SMIM33: variants seen among roughly 807,000 people sequenced by gnomAD.
The protein encoded by SMIM33 is small integral membrane protein 33.
At chr5:139,472,507 TC>T in intron 1 of SMIM33, 24 bp from the exon 2 acceptor site, 1 of 370,048 alleles carries the variant, frequency 2.7e-6, no homozygotes, top group Non-Finnish European at 4.8e-6. Flanking sequence ...CATGTCACCC[TC>T]TCTCTCTGCC....
At position 139,471,128 on chromosome 5, in the gene SMIM33, C is replaced by T. The variant is rs965852152; in HGVS notation, c.7C>T (p.Gln3Ter). 1 of 398,756 alleles carries T rather than the reference C, an allele frequency of 2.5e-6. No individual in the cohort carries two copies. Among genetic ancestry groups the T allele is most frequent in the Non-Finnish European group, 4.4e-6 (1 of 226,162 alleles). The allele number at this position is 398,756 out of a possible 1,614,324, so 24.7% of individuals were successfully genotyped here. The change falls in exon 1 of 2, where the codon CAG (glutamine) becomes TAG (stop). Residue 3 changes from glutamine (Q) to a stop codon, truncating the protein, a stop_gained and splice_region_variant. Transcript: ENST00000637503. LOFTEE classifies it low-confidence loss of function (END_TRUNC). The part of the protein sequence containing the change: MH[Q>*]AGHYSWPSPA... Reference sequence around the variant, plus strand: ...CCCTGTGTCGGCCCGGACAATGCACCAGGTAGACTCTGCTCACCCCTTCCT... The same window carrying T: ...CCCTGTGTCGGCCCGGACAATGCACTAGGTAGACTCTGCTCACCCCTTCCT...
At chr5:139,471,720 G>C (rs1025556363) in intron 1 of SMIM33, among the ~76,000 whole-genome samples, 1 of 152,092 alleles carries the variant, frequency 6.6e-6, no homozygotes, top group Non-Finnish European at 1.5e-5. Context: ...AATCCATCCT[G>C]GGCAGAGCCA....
In SMIM33 at chr5:139,472,918, GT is replaced by G. The variant is rs1751559933; in HGVS notation, c.397del (p.Ter133ArgfsTer8). Reference sequence around the variant, plus strand: ...CCAGCATCGATGAAGTCACTTGTCTGTAGGAGGGAGACTTTGGAGAGTTAGC... The same window carrying G: ...CCAGCATCGATGAAGTCACTTGTCTGAGGAGGGAGACTTTGGAGAGTTAGC... ...RPSIDEVTCL* is the reference protein window; with the variant it reads ...RPSIDEVTCLX On this transcript the variant is annotated frameshift_variant and stop_lost, in exon 2 of 2. Coordinates refer to ENST00000637503, the MANE Select transcript of SMIM33 (RefSeq NM_001365197.1). LOFTEE classifies it high-confidence loss of function. The G allele has an allele frequency of 7.5e-6, 3 of 400,840 alleles. No homozygotes were observed. The highest frequency in any genetic ancestry group is 3.1e-4 in the Middle Eastern group (1 of 3,180). 24.8% of individuals were successfully genotyped at this position (400,840 alleles called of 1,614,324 possible). A position where few individuals can be genotyped will look rare whatever the true frequency, so the allele number is the denominator to read the frequency against.
At chr5:139,471,464 C>T (rs916018456) in intron 1 of SMIM33, among the ~76,000 whole-genome samples, 10 of 152,092 alleles carry the variant, frequency 6.6e-5, no homozygotes, top group Admixed American at 2.0e-4. Context: ...GGGCTCCACC[C>T]GCTAAGATTT....
chr5:139,472,762 A>G lies in SMIM33; in HGVS notation c.240A>G (p.Pro80=), dbSNP rs981968513. ...GCCATGCCACTCTCCCTACAGAGCC[A>G]CCGACCCCAAAGCCAGATGGTGGCA... ...HQGHATLPTE[P]PTPKPDGGIY... is the part of the protein sequence containing the mutation. The change falls in exon 2 of 2, where the codon CCA becomes CCG. Residue 80 remains proline (P), a synonymous_variant. Transcript: ENST00000637503. 2.5e-6 allele frequency: 1 copy of G among 400,788 alleles called. No homozygotes were observed. Among genetic ancestry groups the G allele is most frequent in the South Asian group, 1.3e-4 (1 of 7,954 alleles). 24.8% of individuals were successfully genotyped at this position (400,788 alleles called of 1,614,324 possible).
In SMIM33 at chr5:139,471,091, G is replaced by A; in HGVS notation, c.-31G>A. 3 of 398,764 alleles carry A rather than the reference G, an allele frequency of 7.5e-6. No individual in the cohort carries two copies. Among genetic ancestry groups the A allele is most frequent in the Non-Finnish European group, 1.3e-5 (3 of 226,184 alleles). 24.7% of individuals were successfully genotyped at this position (398,764 alleles called of 1,614,324 possible). A position where few individuals can be genotyped will look rare whatever the true frequency, so the allele number is the denominator to read the frequency against. Reference sequence around the variant, plus strand: ...CCCTCCTTTACCCAGCTGGCTGCCAGTCCCAAGGGAGCCCTGTGTCGGCCC... The same window carrying A: ...CCCTCCTTTACCCAGCTGGCTGCCAATCCCAAGGGAGCCCTGTGTCGGCCC... On this transcript the variant is annotated 5_prime_UTR_variant, in exon 1 of 2. Transcript: ENST00000637503.
chr5:139,471,185 C>T (rs1314535620), intron 1 of SMIM33, 55 bp downstream of exon 1: 6 of 398,762 alleles, frequency 1.5e-5, no homozygotes, highest in Non-Finnish European at 2.7e-5. Flanking sequence ...GCAGGGTCCC[C>T]CTGTCTGTCA....
chr5:139,471,172 C>T lies in SMIM33; in HGVS notation c.9+42C>T, dbSNP rs983210074. 10 of 398,700 alleles carry T rather than the reference C, an allele frequency of 2.5e-5. No homozygotes were observed. The Admixed American group carries it at 2.6e-4, about 11-fold the overall frequency. The allele number at this position is 398,700 out of a possible 1,614,324, so 24.7% of individuals were successfully genotyped here. On this transcript the variant is annotated intron_variant, in intron 1 of 1. Coordinates refer to ENST00000637503, the MANE Select transcript of SMIM33 (RefSeq NM_001365197.1). Reference sequence around the variant, plus strand: ...CCTTCCTGCCAGGCTGGGCTGACTCCCTGCAGGGTCCCCCTGTCTGTCACC... The same window carrying T: ...CCTTCCTGCCAGGCTGGGCTGACTCTCTGCAGGGTCCCCCTGTCTGTCACC...
chr5:139,472,844 C>T lies in SMIM33; in HGVS notation c.322C>T (p.Pro108Ser). 1 of 400,912 alleles carries T rather than the reference C, an allele frequency of 2.5e-6. No homozygotes were observed. Among genetic ancestry groups the T allele is most frequent in the Non-Finnish European group, 4.4e-6 (1 of 226,334 alleles). 24.8% of individuals were successfully genotyped at this position (400,912 alleles called of 1,614,324 possible). ...GPQDSPEEAP[P>S]GPLVPGSCPA... is the part of the protein sequence containing the mutation. ...CCAAGACAGTCCTGAAGAAGCACCA[C>T]CGGGCCCTCTTGTCCCTGGCTCCTG... Residue 108 changes from proline to serine, a missense_variant, in exon 2 of 2, where the codon CCG becomes TCG. Pro to Ser is a moderately conservative substitution (Grantham distance 74). Transcript: ENST00000637503.
intron 1 of SMIM33, 38 bp from the exon 2 acceptor site, chr5:139,472,494 A>C (rs1581444898): frequency 2.5e-6 from 1 of 400,654 alleles, no homozygotes; most frequent in East Asian, 3.6e-5. Flanking sequence ...GTGTGTATAC[A>C]TCCATGTCAC....
chr5:139,472,661 G>A lies in SMIM33; in HGVS notation c.139G>A (p.Val47Ile), dbSNP rs983522036. 5.7e-5 allele frequency: 23 copies of A among 400,736 alleles called. No individual in the cohort carries two copies. The highest frequency in any genetic ancestry group is 2.6e-4 in the Admixed American group (6 of 22,724). The allele number at this position is 400,736 out of a possible 1,614,324, so 24.8% of individuals were successfully genotyped here. A position where few individuals can be genotyped will look rare whatever the true frequency, so the allele number is the denominator to read the frequency against. The change falls in exon 2 of 2, where the codon GTC becomes ATC. Residue 47 changes from valine (V) to isoleucine (I), a missense_variant. By Grantham distance (29) the Val-to-Ile change is conservative (BLOSUM62 3). Transcript: ENST00000637503. ...AGTTGACGGGCTGCCTGTGGTCACCGTCATTGTCGCTGTCTTTGTTCTGCT... is the reference window on the plus strand; with the variant it reads ...AGTTGACGGGCTGCCTGTGGTCACCATCATTGTCGCTGTCTTTGTTCTGCT... ...PRVDGLPVVTVIVAVFVLLAV... is the reference protein window; with the variant it reads ...PRVDGLPVVTIIVAVFVLLAV...
Position 139,471,014 on chromosome 5 carries a change from T to C in SMIM33, c.-108T>C. On this transcript the variant is annotated 5_prime_UTR_variant, in exon 1 of 2. An upstream start codon of the reference 5' UTR is lost. Coordinates refer to ENST00000637503, the MANE Select transcript of SMIM33 (RefSeq NM_001365197.1). ...AGTGTGTGCACAGGGTGTGTGCCCA[T>C]GGGCCCCGCAGACGTGGCAGCTCCG... is the stretch of plus-strand genomic sequence containing the variant. 2.5e-6 allele frequency: 1 copy of C among 398,726 alleles called. No individual in the cohort carries two copies. The highest frequency in any genetic ancestry group is 4.4e-6 in the Non-Finnish European group (1 of 226,172). The allele number at this position is 398,726 out of a possible 1,614,324, so 24.7% of individuals were successfully genotyped here. A position where few individuals can be genotyped will look rare whatever the true frequency, so the allele number is the denominator to read the frequency against.
intron 1 of SMIM33, among the ~76,000 whole-genome samples, chr5:139,471,594 A>G (rs990910039): frequency 6.6e-6 from 1 of 151,820 alleles, no homozygotes; most frequent in South Asian, 2.1e-4. Flanking sequence ...CAATGCCACC[A>G]CCCCCATCTA....
chr5:139,473,236 G>A lies in SMIM33; in HGVS notation c.*315G>A. 1 of 245,464 alleles carries A rather than the reference G, an allele frequency of 4.1e-6. No individual in the cohort carries two copies. The highest frequency in any genetic ancestry group is 7.7e-6 in the Non-Finnish European group (1 of 129,298). 15.2% of individuals were successfully genotyped at this position (245,464 alleles called of 1,614,324 possible). A position where few individuals can be genotyped will look rare whatever the true frequency, so the allele number is the denominator to read the frequency against. On this transcript the variant is annotated 3_prime_UTR_variant, in exon 2 of 2. Transcript: ENST00000637503. ...TTTTCTGAGTCTCTGCCCCTTCATT[G>A]CACGCTTAATCTCCTTCCTTTGTAA...
At chr5:139,471,465 G>T (rs189767693) in intron 1 of SMIM33, among the ~76,000 whole-genome samples, 1 of 152,092 alleles carries the variant, frequency 6.6e-6, no homozygotes, top group East Asian at 1.9e-4. Context: ...GGCTCCACCC[G>T]CTAAGATTTG....
Position 139,472,393 on chromosome 5 carries a change from C to T in SMIM33, c.10-139C>T, listed in dbSNP as rs80214233. The stretch of plus-strand genomic sequence containing the variant: ...CCAGGTCTTTACTCTGACTTTTTGT[C>T]TTTCTGTCTTTGTCTCTGGTCCCTC... On this transcript the variant is annotated intron_variant, in intron 1 of 1. Coordinates refer to ENST00000637503, the MANE Select transcript of SMIM33 (RefSeq NM_001365197.1). 531 of 396,396 alleles carry T rather than the reference C, an allele frequency of 1.3e-3. 4 individuals are homozygous for T. Among genetic ancestry groups the T allele is most frequent in the African/African-American group, 0.01 (498 of 48,626 alleles). The allele number at this position is 396,396 out of a possible 1,614,324, so 24.6% of individuals were successfully genotyped here.
Position 139,472,875 on chromosome 5 carries a change from C to T in SMIM33, c.353C>T (p.Ala118Val), listed in dbSNP as rs543420985. The part of the protein sequence containing the change: ...PGPLVPGSCP[A>V]PDGPRPSIDE... ...CCTCTTGTCCCTGGCTCCTGCCCTG[C>T]GCCAGATGGACCCAGGCCCAGCATC... is the stretch of plus-strand genomic sequence containing the variant. Residue 118 changes from alanine to valine, a missense_variant, in exon 2 of 2, where the codon GCG becomes GTG. By Grantham distance (64) the Ala-to-Val change is moderately conservative. Transcript: ENST00000637503. 2.2e-5 allele frequency: 9 copies of T among 400,876 alleles called. No individual in the cohort carries two copies. Among genetic ancestry groups the T allele is most frequent in the East Asian group, 1.1e-4 (3 of 28,076 alleles). 24.8% of individuals were successfully genotyped at this position (400,876 alleles called of 1,614,324 possible).
chr5:139,472,736 G>A lies in SMIM33; in HGVS notation c.214G>A (p.Gly72Ser). 1 of 400,862 alleles carries A rather than the reference G, an allele frequency of 2.5e-6. No homozygotes were observed. The highest frequency in any genetic ancestry group is 4.4e-6 in the Non-Finnish European group (1 of 226,318). The allele number at this position is 400,862 out of a possible 1,614,324, so 24.8% of individuals were successfully genotyped here. Residue 72 changes from glycine (G) to serine (S), a missense_variant, in exon 2 of 2, where the codon GGC becomes AGC. Physicochemically the swap from Gly to Ser is moderately conservative, Grantham distance 56. Transcript: ENST00000637503. Reference protein sequence around the residue: ...AVHFGPRLHQGHATLPTEPPT... With the variant: ...AVHFGPRLHQSHATLPTEPPT... ...CCATTTTGGGCCAAGGCTGCACCAG[G>A]GCCATGCCACTCTCCCTACAGAGCC... is the stretch of plus-strand genomic sequence containing the variant.
Position 139,471,027 on chromosome 5 carries a change from C to A in SMIM33, c.-95C>A, listed in dbSNP as rs759593274. ...GGTGTGTGCCCATGGGCCCCGCAGA[C>A]GTGGCAGCTCCGGGTAGGGGCTGAA... On this transcript the variant is annotated 5_prime_UTR_variant, in exon 1 of 2. Coordinates refer to ENST00000637503, the MANE Select transcript of SMIM33 (RefSeq NM_001365197.1). 1 of 398,752 alleles carries A rather than the reference C, an allele frequency of 2.5e-6. No individual in the cohort carries two copies. The highest frequency in any genetic ancestry group is 4.4e-6 in the Non-Finnish European group (1 of 226,168). The allele number at this position is 398,752 out of a possible 1,614,324, so 24.7% of individuals were successfully genotyped here. A position where few individuals can be genotyped will look rare whatever the true frequency, so the allele number is the denominator to read the frequency against.
Sources: gnomAD v4.1 joint callset for allele counts (sites outside exome capture counted in the v4.1 genomes callset) on GRCh38, gnomAD v4.1.1 for gene constraint, MANE v1.5 for transcripts, NCBI Gene and HGNC (gene_info 2026-07-23, HGNC 2026-07-21) for gene names.